Variants in CNTN4 observed in about 807,000 individuals in gnomAD.
The protein encoded by CNTN4 is contactin-4.
Under a neutral mutation model 122.5 loss-of-function variants are expected in CNTN4, and 77 were observed. That is an observed-to-expected ratio of 0.63 (90% confidence interval 0.52 to 0.76). CNTN4 has a LOEUF of 0.76. CNTN4 is among the 30% of genes least tolerant of loss of function. The pLI, the probability that CNTN4 is intolerant of heterozygous loss-of-function variation, is 0.00. For missense variants in CNTN4, 1,256 were observed against 1,259.1 expected (o/e 1.00, Z 0.04); for synonymous variants, 512 against 447.0 (o/e 1.15, Z -1.83).
At chr3:3,000,839 A>G (rs947685845) in intron 14 of CNTN4, among the ~76,000 whole-genome samples, 2 of 150,440 alleles carry the variant, frequency 1.3e-5, no homozygotes, top group Admixed American at 1.3e-4. Flanking sequence ...GAATTCTGTC[A>G]CACTGACTTT....
chr3:2,819,047 G>A (rs1415365429), intron 6 of CNTN4, among the ~76,000 whole-genome samples: 1 of 152,102 alleles, frequency 6.6e-6, no homozygotes, highest in Admixed American at 6.6e-5. Context: ...AATACAGAGA[G>A]GTCTTGGGCA....
chr3:2,845,920 C>T (rs2093448375), intron 7 of CNTN4, among the ~76,000 whole-genome samples: 1 of 152,170 alleles, frequency 6.6e-6, no homozygotes, highest in African/African-American at 2.4e-5. Context: ...CTAAAGGCAG[C>T]TGAGCTAATC....
chr3:2,949,842 A>G (rs545383071), intron 13 of CNTN4, among the ~76,000 whole-genome samples: 2 of 152,328 alleles, frequency 1.3e-5, no homozygotes, highest in Admixed American at 6.5e-5. Flanking sequence ...CCTAACTGAT[A>G]TAGGCAAACA....
intron 3 of CNTN4, among the ~76,000 whole-genome samples, chr3:2,462,954 A>G (rs1056212911): frequency 1.3e-5 from 2 of 152,200 alleles, no homozygotes; most frequent in East Asian, 1.9e-4. Flanking sequence ...TGAACTTGGT[A>G]TGTATTTCAC....
At chr3:2,402,849 A>G (rs899170233) in intron 3 of CNTN4, among the ~76,000 whole-genome samples, 1 of 152,192 alleles carries the variant, frequency 6.6e-6, no homozygotes, top group African/African-American at 2.4e-5. Flanking sequence ...TAAGCAGGTT[A>G]TACCTTACGC....
At chr3:2,911,265 A>G (rs987408770) in intron 12 of CNTN4, among the ~76,000 whole-genome samples, 2 of 152,162 alleles carry the variant, frequency 1.3e-5, no homozygotes, top group Non-Finnish European at 2.9e-5. Context: ...TCCAGTACCA[A>G]CAGAGGGAAA....
At chr3:2,757,029 G>A (rs537435318) in intron 6 of CNTN4, among the ~76,000 whole-genome samples, 12 of 152,150 alleles carry the variant, frequency 7.9e-5, no homozygotes, top group African/African-American at 2.2e-4. Flanking sequence ...AAAAATCTTT[G>A]AATGAGATCA....
intron 3 of CNTN4, among the ~76,000 whole-genome samples, chr3:2,480,773 T>C (rs1163105586): frequency 6.6e-6 from 1 of 152,144 alleles, no homozygotes; most frequent in East Asian, 1.9e-4. Context: ...GTTTATATGA[T>C]CCAAAATAGC....
chr3:2,120,351 T>TTA (rs1222126807), intron 2 of CNTN4, among the ~76,000 whole-genome samples: 724 of 45,488 alleles, frequency 0.016, 7 homozygotes, highest in Admixed American at 0.025. Context: ...GGCATTTAGG[T>TTA]TATATATATA....
rs2089703921 is a variant in CNTN4, at chr3:2,745,517, T to C, written c.183-5T>C. On this transcript the variant is annotated splice_region_variant and splice_polypyrimidine_tract_variant and intron_variant, in intron 5 of 24. Transcript: ENST00000418658. ...ACTTTATCTACTGGCATTTTTATAC[T>C]ATAGGTGGAAGTTAAATGGAACAGA... 1 of 1,612,286 alleles carries C rather than the reference T, an allele frequency of 6.2e-7. No individual in the cohort carries two copies. The highest frequency in any genetic ancestry group is 8.5e-7 in the Non-Finnish European group (1 of 1,178,274).
chr3:2,185,562 T>C (rs187173230), intron 2 of CNTN4, among the ~76,000 whole-genome samples: 52 of 152,178 alleles, frequency 3.4e-4, no homozygotes, highest in African/African-American at 1.2e-3. Flanking sequence ...GTGTATGCTA[T>C]GGGGATGAGG....
intron 18 of CNTN4, 137 bp from the exon 19 acceptor site, chr3:3,038,796 G>A (rs1359959501): frequency 1.0e-5 from 7 of 676,472 alleles, no homozygotes; most frequent in African/African-American, 1.8e-5. Flanking sequence ...CCTTGACAAT[G>A]CTGTTGCTGA....
intron 3 of CNTN4, among the ~76,000 whole-genome samples, chr3:2,465,537 T>G (rs1388474176): frequency 1.3e-5 from 2 of 151,608 alleles, no homozygotes; most frequent in African/African-American, 4.8e-5. Flanking sequence ...ATTAACCGGG[T>G]GTGGCAGCGT....
At chr3:2,313,506 A>G (rs548110435) in intron 2 of CNTN4, among the ~76,000 whole-genome samples, 10 of 152,138 alleles carry the variant, frequency 6.6e-5, no homozygotes, top group African/African-American at 1.9e-4. Context: ...TGATTCAGAA[A>G]TAGAGGAAAA....
At chr3:2,597,681 C>G (rs1210136185) in intron 4 of CNTN4, among the ~76,000 whole-genome samples, 1 of 152,114 alleles carries the variant, frequency 6.6e-6, no homozygotes, top group Non-Finnish European at 1.5e-5. Context: ...GGAGTACAGA[C>G]TTCAACTGAA....
At chr3:2,577,216 G>C (rs1351738727) in intron 4 of CNTN4, among the ~76,000 whole-genome samples, 1 of 152,094 alleles carries the variant, frequency 6.6e-6, no homozygotes, top group Non-Finnish European at 1.5e-5. Context: ...ACTTTTAGGG[G>C]AGTCCAAACC....
intron 4 of CNTN4, among the ~76,000 whole-genome samples, chr3:2,648,989 A>G (rs2083249434): frequency 6.6e-6 from 1 of 152,194 alleles, no homozygotes; most frequent in Admixed American, 6.5e-5. Flanking sequence ...ACATTCTCTT[A>G]AGCGAAAGCC....
chr3:2,798,334 G>GTA (rs1209915305), intron 6 of CNTN4, among the ~76,000 whole-genome samples: 19 of 46,312 alleles, frequency 4.1e-4, no homozygotes, highest in South Asian at 3.5e-3. Context: ...TATATAGTCT[G>GTA]TATATATACA....
At chr3:2,465,631 T>G (rs1187483656) in intron 3 of CNTN4, among the ~76,000 whole-genome samples, 1 of 152,048 alleles carries the variant, frequency 6.6e-6, no homozygotes, top group African/African-American at 2.4e-5. Context: ...GAGCCGAGAT[T>G]GCGCCACTTC....
Sources: allele counts gnomAD v4.1 joint callset (sites outside exome capture counted in the v4.1 genomes callset), GRCh38; gene constraint gnomAD v4.1.1; transcripts MANE v1.5; gene names NCBI Gene and HGNC (gene_info 2026-07-23, HGNC 2026-07-21).